SYN2: variants seen among roughly 807,000 people sequenced by gnomAD.
The protein encoded by SYN2 is synapsin-2.
Under a neutral mutation model 50.9 loss-of-function variants are expected in SYN2, and 19 were observed. The ratio of observed to expected loss-of-function variants is 0.37; its 90% CI spans 0.26 to 0.55. The LOEUF (loss-of-function observed/expected upper bound fraction) is 0.55. Ranked by LOEUF, SYN2 falls within the 20% of genes least tolerant of loss-of-function variation. The pLI is 0.81. For synonymous variants in SYN2, 255 were observed against 224.9 expected (o/e 1.13, Z -1.20); for missense variants, 587 against 576.4 (o/e 1.02, Z -0.19).
intron 1 of SYN2, among the ~76,000 whole-genome samples, chr3:12,066,168 A>T (rs1350213381): frequency 6.6e-6 from 1 of 152,222 alleles, no homozygotes; most frequent in Non-Finnish European, 1.5e-5. Flanking sequence ...GGAAATCTGG[A>T]TAAAGTATGC....
chr3:12,012,064 A>T (rs1173502575), intron 1 of SYN2, among the ~76,000 whole-genome samples: 1 of 151,854 alleles, frequency 6.6e-6, no homozygotes, highest in Non-Finnish European at 1.5e-5. Flanking sequence ...GGGATGAGGA[A>T]TCTTCTTTTT....
chr3:12,178,275 C>T (rs1698135255), intron 10 of SYN2, among the ~76,000 whole-genome samples: 1 of 152,206 alleles, frequency 6.6e-6, no homozygotes, highest in Non-Finnish European at 1.5e-5. Flanking sequence ...TGAGCAAGCA[C>T]AGGCCTTCCT....
At chr3:12,113,576 C>T (rs1463787040) in intron 1 of SYN2, among the ~76,000 whole-genome samples, 3 of 152,104 alleles carry the variant, frequency 2.0e-5, no homozygotes, top group Non-Finnish European at 2.9e-5. Flanking sequence ...AATTTCTCAT[C>T]GCCCCAAAAG....
intron 1 of SYN2, among the ~76,000 whole-genome samples, chr3:12,007,362 A>G (rs1482516076): frequency 6.6e-6 from 1 of 152,192 alleles, no homozygotes; most frequent in Non-Finnish European, 1.5e-5. Flanking sequence ...TGTGCTTAAT[A>G]GCAGTTCCCA....
At chr3:12,024,313 C>T (rs188379842) in intron 1 of SYN2, among the ~76,000 whole-genome samples, 4 of 152,008 alleles carry the variant, frequency 2.6e-5, no homozygotes, top group East Asian at 1.9e-4. Flanking sequence ...CATGCCAACA[C>T]GCCCAGCTAA....
chr3:12,099,975 G>GA (rs376887129), intron 1 of SYN2, among the ~76,000 whole-genome samples: 4 of 120,186 alleles, frequency 3.3e-5, no homozygotes, highest in Non-Finnish European at 3.2e-5. Context: ...AAAAAAAAAA[G>GA]AAAAAAAAAA....
chr3:12,067,054 G>A (rs1695231049), intron 1 of SYN2, among the ~76,000 whole-genome samples: 1 of 152,094 alleles, frequency 6.6e-6, no homozygotes, highest in East Asian at 1.9e-4. Flanking sequence ...ACAGCATGGG[G>A]GTAACTGCCC....
intron 1 of SYN2, among the ~76,000 whole-genome samples, chr3:12,050,580 G>A (rs1001959014): frequency 3.3e-5 from 5 of 151,548 alleles, no homozygotes; most frequent in East Asian, 1.9e-4. Context: ...TCCTGACCTC[G>A]TGATCTGTCG....
intron 11 of SYN2, chr3:12,184,701 C>CCA: frequency 1.0e-6 from 1 of 985,890 alleles, no homozygotes; most frequent in Non-Finnish European, 1.2e-6. Flanking sequence ...GGAATCCTCA[C>CCA]CAGTTTGTTC....
intron 1 of SYN2, among the ~76,000 whole-genome samples, chr3:12,121,560 A>G (rs17035857): frequency 0.03 from 4,595 of 151,634 alleles, 185 homozygotes; most frequent in African/African-American, 0.088. Context: ...ATATCAGTCA[A>G]TGTTCTCCAG....
intron 1 of SYN2, among the ~76,000 whole-genome samples, chr3:12,029,148 G>T (rs1449576774): frequency 5.2e-5 from 5 of 95,552 alleles, no homozygotes; most frequent in African/African-American, 1.2e-4. Flanking sequence ...TTTCCCCATT[G>T]CTTGTTTTTC....
chr3:12,011,806 A>G (rs1263120819), intron 1 of SYN2, among the ~76,000 whole-genome samples: 1 of 152,252 alleles, frequency 6.6e-6, no homozygotes, highest in Non-Finnish European at 1.5e-5. Context: ...AGGTTCTAGA[A>G]TAACAGACAA....
intron 1 of SYN2, among the ~76,000 whole-genome samples, chr3:12,089,741 G>A (rs1168267135): frequency 1.3e-5 from 2 of 152,148 alleles, no homozygotes; most frequent in Admixed American, 1.3e-4. Flanking sequence ...GGAGCCTGAA[G>A]GCATTGTCTA....
chr3:12,187,361 G>C lies in SYN2; in HGVS notation c.1370-8G>C. On this transcript the variant is annotated splice_polypyrimidine_tract_variant and splice_region_variant and intron_variant, in intron 11 of 12. Coordinates refer to ENST00000621198, the MANE Select transcript of SYN2 (RefSeq NM_133625.6). ...TAAATTATGAAGTTTTTCTTGTACTGAACCTAGGGGGCCCTGGGCAACCCC... is the reference window on the plus strand; with the variant it reads ...TAAATTATGAAGTTTTTCTTGTACTCAACCTAGGGGGCCCTGGGCAACCCC... 6.5e-7 allele frequency: 1 copy of C among 1,532,748 alleles called. No homozygotes were observed. Among genetic ancestry groups the C allele is most frequent in the Non-Finnish European group, 8.8e-7 (1 of 1,133,766 alleles). 94.9% of individuals were successfully genotyped at this position (1,532,748 alleles called of 1,614,324 possible).
chr3:12,063,620 T>G (rs1695156124), intron 1 of SYN2, among the ~76,000 whole-genome samples: 1 of 151,994 alleles, frequency 6.6e-6, no homozygotes, highest in Admixed American at 6.6e-5. Context: ...TGAACTCATG[T>G]TTAGTTTAAT....
chr3:12,111,868 T>G (rs1324149247), intron 1 of SYN2, among the ~76,000 whole-genome samples: 1 of 152,176 alleles, frequency 6.6e-6, no homozygotes, highest in Non-Finnish European at 1.5e-5. Context: ...TGTGATGTAT[T>G]ATTTTGGGAT....
At chr3:12,075,030 A>G (rs996544754) in intron 1 of SYN2, among the ~76,000 whole-genome samples, 2 of 152,194 alleles carry the variant, frequency 1.3e-5, no homozygotes, top group Non-Finnish European at 2.9e-5. Flanking sequence ...TTTTAAATTA[A>G]TTATATCATT....
intron 1 of SYN2, among the ~76,000 whole-genome samples, chr3:12,091,297 A>G (rs900148817): frequency 7.2e-5 from 11 of 152,208 alleles, no homozygotes; most frequent in Admixed American, 2.6e-4. Context: ...TTTAAGGAGC[A>G]TGGAGCTATA....
At position 12,141,917 on chromosome 3, in the gene SYN2, G is replaced by A; in HGVS notation, c.448G>A (p.Glu150Lys). The A allele has an allele frequency of 1.3e-6, 1 of 780,820 alleles. No homozygotes were observed. 48.4% of individuals were successfully genotyped at this position (780,820 alleles called of 1,614,324 possible). ...TATTATTTTCCAGGCAGAATTTTCA[G>A]AGCTCAACCTGGTGGCCCATGCAGA... is the stretch of plus-strand genomic sequence containing the variant. ...DIKVEQAEFS[E>K]LNLVAHADGT... The change falls in exon 3 of 13, where the codon GAG (glutamate) becomes AAG (lysine). Residue 150 changes from glutamate to lysine, a missense_variant. Glu to Lys is a moderately conservative substitution (Grantham distance 56). Transcript: ENST00000621198.
Sources: gnomAD v4.1 joint callset for allele counts (sites outside exome capture counted in the v4.1 genomes callset) on GRCh38, gnomAD v4.1.1 for gene constraint, MANE v1.5 for transcripts, NCBI Gene and HGNC (gene_info 2026-07-23, HGNC 2026-07-21) for gene names.